RPL37A: variants seen among roughly 807,000 people sequenced by gnomAD.
RPL37A encodes large ribosomal subunit protein eL43.
RPL37A carries 5 observed loss-of-function variants against 13.6 expected under a neutral mutation model. The observed-to-expected ratio is 0.37, with a 90% CI of 0.19 to 0.78. RPL37A has a LOEUF of 0.78. RPL37A is among the 30% of genes least tolerant of loss of function. RPL37A has a pLI of 0.49. For synonymous variants in RPL37A, 50 were observed against 44.4 expected (o/e 1.13, Z -0.50); for missense variants, 77 against 120.0 (o/e 0.64, Z 1.67).
rs1458758685 is a variant in RPL37A, at chr2:216,502,040, G to A, written c.*636G>A. 6.6e-6 allele frequency: 1 copy of A among 152,092 alleles called. No individual in the cohort carries two copies. The highest frequency in any genetic ancestry group is 2.4e-5 in the African/African-American group (1 of 41,416). The allele number at this position is 152,092 out of a possible 1,614,324, so 9.4% of individuals were successfully genotyped here. On this transcript the variant is annotated 3_prime_UTR_variant, in exon 4 of 4. Transcript: ENST00000491306. ...CTTGCATTTAATATTTTTATAATGT[G>A]TCTAGGCTGGGTGCGGTGACTCACG...
rs749714326 is a variant in RPL37A at position 216,498,919 on chromosome 2, G to A, written c.3+42G>A. 28 of 1,613,478 alleles carry A rather than the reference G, an allele frequency of 1.7e-5. No homozygotes were observed. In the South Asian group the frequency reaches 3.1e-4, roughly 18 times the overall value. ...GTGCGGCCTAGAACTCTATCTGCCT[G>A]CATCTGTCCTTGTTTTCTTCTCCCG... On this transcript the variant is annotated intron_variant, in intron 1 of 3. Coordinates refer to ENST00000491306, the MANE Select transcript of RPL37A (RefSeq NM_000998.5).
chr2:216,501,240 T>A (rs937694341), intron 3 of RPL37A, 101 bp from the exon 4 acceptor site: 1 of 876,980 alleles, frequency 1.1e-6, no homozygotes, highest in Non-Finnish European at 1.9e-6. Context: ...CTAGGAAAAT[T>A]TGGGAAGCGA....
At chr2:216,500,300 A>G (rs1695577422) in intron 3 of RPL37A, 1 of 509,182 alleles carries the variant, frequency 2.0e-6, no homozygotes, top group Non-Finnish European at 3.5e-6. Context: ...TTGTCATGAT[A>G]CTGTGCAGGT....
intron 2 of RPL37A, chr2:216,499,660 T>G (rs1695563444): frequency 3.2e-6 from 2 of 628,000 alleles, no homozygotes; most frequent in Admixed American, 5.1e-5. Context: ...CAAACCTGCT[T>G]TGTGGGAAAT....
rs766112795 is a variant in RPL37A at position 216,501,455 on chromosome 2, T to G, written c.*51T>G. On this transcript the variant is annotated 3_prime_UTR_variant, in exon 4 of 4. Transcript: ENST00000491306. The stretch of plus-strand genomic sequence containing the variant: ...ACTGGCCTATAATAAATGGGTTAAT[T>G]TATGTAACAAAATTGCCTTGGCTTG... The G allele has an allele frequency of 7.5e-7, 1 of 1,328,638 alleles. No homozygotes were observed. The highest frequency in any genetic ancestry group is 1.1e-6 in the Non-Finnish European group (1 of 930,204). 82.3% of individuals were successfully genotyped at this position (1,328,638 alleles called of 1,614,324 possible).
intron 2 of RPL37A, 59 bp from the exon 3 acceptor site, chr2:216,499,890 G>C: frequency 1.4e-6 from 2 of 1,423,978 alleles, no homozygotes; most frequent in Non-Finnish European, 2.0e-6. Flanking sequence ...TAGACTTCTG[G>C]ATGCTTGTAA....
At chr2:216,499,913 A>T in intron 2 of RPL37A, 36 bp from the exon 3 acceptor site, 1 of 1,540,696 alleles carries the variant, frequency 6.5e-7, no homozygotes, top group Non-Finnish European at 9.0e-7. Flanking sequence ...GAAAATACTT[A>T]CTTGGTTCAT....
rs945908531 is a variant in RPL37A at position 216,499,554 on chromosome 2, T to C, written c.132+156T>C. ...AGTTTTAAGATAAAAGTGTTGATGGTAACTTCAGATTTTGTGAGACGTTTT... is the reference window on the plus strand; with the variant it reads ...AGTTTTAAGATAAAAGTGTTGATGGCAACTTCAGATTTTGTGAGACGTTTT... On this transcript the variant is annotated intron_variant, in intron 2 of 3. Coordinates refer to ENST00000491306, the MANE Select transcript of RPL37A (RefSeq NM_000998.5). 21 of 906,518 alleles carry C rather than the reference T, an allele frequency of 2.3e-5. No homozygotes were observed. In the African/African-American group the frequency reaches 2.5e-4, roughly 11 times the overall value. The allele number at this position is 906,518 out of a possible 1,614,324, so 56.2% of individuals were successfully genotyped here. A position where few individuals can be genotyped will look rare whatever the true frequency, so the allele number is the denominator to read the frequency against.
rs1419654001 is a variant in RPL37A at position 216,500,020 on chromosome 2, C to T, written c.204C>T (p.Ala68=). ...GSCMKTVAGG[A]WTYNTTSAVT... The stretch of plus-strand genomic sequence containing the variant: ...GCATGAAGACAGTGGCTGGCGGTGC[C>T]TGGACGTACAAGTGAGTCTAGTTCC... Residue 68 remains alanine, a synonymous_variant, in exon 3 of 4, where the codon GCC becomes GCT. Coordinates refer to ENST00000491306, the MANE Select transcript of RPL37A (RefSeq NM_000998.5). The T allele has an allele frequency of 6.2e-7, 1 of 1,613,284 alleles. No homozygotes were observed. Among genetic ancestry groups the T allele is most frequent in the African/African-American group, 1.3e-5 (1 of 75,040 alleles).
At chr2:216,499,479 A>G (rs1442050170) in intron 2 of RPL37A, 81 bp downstream of exon 2, 2 of 1,531,256 alleles carry the variant, frequency 1.3e-6, no homozygotes, top group Non-Finnish European at 1.8e-6. Context: ...AAGGTATTTT[A>G]TAAGCCGTGT....
chr2:216,499,149 T>G, intron 1 of RPL37A, 121 bp from the exon 2 acceptor site: 1 of 1,308,386 alleles, frequency 7.6e-7, no homozygotes, highest in Non-Finnish European at 1.1e-6. Flanking sequence ...TAGGGAAAAC[T>G]AGGTCATATG....
intron 3 of RPL37A, chr2:216,501,109 A>C (rs528849463): frequency 5.1e-6 from 2 of 388,742 alleles, no homozygotes; most frequent in South Asian, 8.1e-5. Context: ...ATGGCTCTTA[A>C]AGGATGCCAT....
rs778164701 is a variant in RPL37A, at chr2:216,499,940, CT to C, written c.133-5del. ...TTGGTTCATAGTGAAAATTGGTTCT[CT>C]TTTATAGACCAAGATGAAGAGACGA... On this transcript the variant is annotated splice_region_variant and splice_polypyrimidine_tract_variant and intron_variant, in intron 2 of 3. Transcript: ENST00000491306. 2.5e-6 allele frequency: 4 copies of C among 1,612,682 alleles called. No homozygotes were observed. The highest frequency in any genetic ancestry group is 3.4e-6 in the Non-Finnish European group (4 of 1,178,800).
Position 216,502,239 on chromosome 2 carries a change from A to T in RPL37A, c.*835A>T, listed in dbSNP as rs1410229863. ...CTACTTTGGAGGCTCAGGCACAAGA[A>T]TCACTTGAACCTACGAGGCGGAGGT... On this transcript the variant is annotated 3_prime_UTR_variant, in exon 4 of 4. Coordinates refer to ENST00000491306, the MANE Select transcript of RPL37A (RefSeq NM_000998.5). 6.6e-6 allele frequency: 1 copy of T among 152,186 alleles called. No individual in the cohort carries two copies. Among genetic ancestry groups the T allele is most frequent in the African/African-American group, 2.4e-5 (1 of 41,468 alleles). The allele number at this position is 152,186 out of a possible 1,614,324, so 9.4% of individuals were successfully genotyped here.
chr2:216,499,623 A>G (rs1177844491), intron 2 of RPL37A: 2 of 647,328 alleles, frequency 3.1e-6, no homozygotes, highest in Admixed American at 2.9e-5. Flanking sequence ...TAAAATAATC[A>G]TTTGACAGAG....
Position 216,503,594 on chromosome 2 carries a change from C to CT in RPL37A, c.*2193dup, listed in dbSNP as rs1215936609. ...ATTTTTTATTTTTAGTAGAGATGGG[C>CT]TTTCGCCATGTTGACCAGGCTGGTC... On this transcript the variant is annotated 3_prime_UTR_variant, in exon 4 of 4. Transcript: ENST00000491306. The CT allele has an allele frequency of 6.6e-6, 1 of 152,098 alleles. No individual in the cohort carries two copies. The allele number at this position is 152,098 out of a possible 1,614,324, so 9.4% of individuals were successfully genotyped here. A position where few individuals can be genotyped will look rare whatever the true frequency, so the allele number is the denominator to read the frequency against.
At chr2:216,498,935 T>C in intron 1 of RPL37A, 58 bp downstream of exon 1, 18 of 1,609,604 alleles carry the variant, frequency 1.1e-5, no homozygotes, top group Non-Finnish European at 1.4e-5. Flanking sequence ...GTCCTTGTTT[T>C]CTTCTCCCGC....
At position 216,501,330 on chromosome 2, in the gene RPL37A, T is replaced by A. The variant is rs1475733202; in HGVS notation, c.216-11T>A. The A allele has an allele frequency of 1.2e-6, 2 of 1,610,632 alleles. No homozygotes were observed. Among genetic ancestry groups the A allele is most frequent in the Admixed American group, 1.7e-5 (1 of 59,840 alleles). On this transcript the variant is annotated splice_polypyrimidine_tract_variant and intron_variant, in intron 3 of 3. Coordinates refer to ENST00000491306, the MANE Select transcript of RPL37A (RefSeq NM_000998.5). ...GCTTAATTATGTTGGAAACTGAATC[T>A]TTCTTTCCAGTACCACTTCCGCTGT...
chr2:216,499,090 C>A, intron 1 of RPL37A, 180 bp from the exon 2 acceptor site: 1 of 1,136,910 alleles, frequency 8.8e-7, no homozygotes, highest in Non-Finnish European at 1.2e-6. Context: ...AACGCCGGGC[C>A]TTCGGAGCGC....
Sources: gnomAD v4.1 joint callset for allele counts on GRCh38, gnomAD v4.1.1 for gene constraint, MANE v1.5 for transcripts, NCBI Gene and HGNC (gene_info 2026-07-23, HGNC 2026-07-21) for gene names.